NTNG2: variants seen among roughly 807,000 people sequenced by gnomAD.
NTNG2 encodes the protein netrin G2.
In NTNG2, 15 loss-of-function variants were observed where a neutral mutation model predicts 47.6. The ratio of observed to expected loss-of-function variants is 0.32; its 90% confidence interval spans 0.21 to 0.49. NTNG2 has a LOEUF of 0.49. NTNG2 is among the 20% of genes least tolerant of loss of function. NTNG2 has a pLI of 0.99. For missense variants in NTNG2, 578 were observed against 764.6 expected (o/e 0.76, Z 2.88); for synonymous variants, 307 against 324.6 (o/e 0.95, Z 0.58).
intron 7 of NTNG2, among the ~76,000 whole-genome samples, 179 bp downstream of exon 7, chr9:132,241,223 C>T (rs926017034): frequency 6.7e-6 from 1 of 148,348 alleles, no homozygotes; most frequent in African/African-American, 2.5e-5. Context: ...TGGGCGGGGC[C>T]TCGCGAGACG....
chr9:132,214,639 G>A (rs947807243), intron 3 of NTNG2, among the ~76,000 whole-genome samples: 1 of 152,216 alleles, frequency 6.6e-6, no homozygotes, highest in African/African-American at 2.4e-5. Context: ...GCAAGTGAGT[G>A]CGCCCCATGT....
intron 3 of NTNG2, among the ~76,000 whole-genome samples, chr9:132,200,649 G>GGT (rs1838677499): frequency 1.3e-5 from 2 of 152,096 alleles, no homozygotes. Flanking sequence ...TCACTTTGAC[G>GGT]GTGTGTGTGG....
chr9:132,228,379 C>T (rs570135832), intron 4 of NTNG2, among the ~76,000 whole-genome samples: 9 of 152,328 alleles, frequency 5.9e-5, no homozygotes, highest in African/African-American at 2.2e-4. Context: ...CCACTCCAGC[C>T]GCTGCCTCCT....
intron 2 of NTNG2, among the ~76,000 whole-genome samples, chr9:132,196,936 C>T (rs770204907): frequency 2.6e-5 from 4 of 152,108 alleles, no homozygotes; most frequent in Admixed American, 6.6e-5. Flanking sequence ...GAACAGCTCA[C>T]GGAACTCAGA....
Position 132,218,916 on chromosome 9 carries a change from A to G in NTNG2, c.858-7933A>G, listed in dbSNP as rs1840170880. On this transcript the variant is annotated intron_variant, in intron 3 of 7. Coordinates refer to ENST00000393229, the MANE Select transcript of NTNG2 (RefSeq NM_032536.4). The surrounding 1 kb of genome is among the most constrained non-coding windows in gnomAD (Gnocchi z 5.4). ...CTGTTTCCACACATCCCGATCATTC[A>G]TTCACTCACAGCTTTACCCAGATGT... is the stretch of plus-strand genomic sequence containing the variant. Among the ~76,000 whole-genome samples the G allele has an allele frequency of 6.6e-6, 1 of 152,270 alleles. No homozygotes were observed. Among genetic ancestry groups the G allele is most frequent in the Non-Finnish European group, 1.5e-5 (1 of 68,054 alleles).
intron 5 of NTNG2, among the ~76,000 whole-genome samples, 175 bp downstream of exon 5, chr9:132,230,770 TC>T (rs992474302): frequency 7.8e-5 from 5 of 64,444 alleles, no homozygotes; most frequent in East Asian, 9.5e-4. Flanking sequence ...CCCCTCCACC[TC>T]CCCCCCTCCA....
At chr9:132,176,106 T>C (rs764665228) in intron 2 of NTNG2, among the ~76,000 whole-genome samples, 33 of 152,000 alleles carry the variant, frequency 2.2e-4, no homozygotes, top group Non-Finnish European at 1.9e-4. Context: ...CCCAGCACTT[T>C]GGGAGGCCGA....
chr9:132,227,056 G>T (rs1370728825), intron 4 of NTNG2, 35 bp downstream of exon 4: 12 of 1,552,590 alleles, frequency 7.7e-6, no homozygotes, highest in Non-Finnish European at 9.6e-6. Context: ...GAGCCCACAT[G>T]GCTATAATCT....
At chr9:132,185,097 G>A (rs1837256005) in intron 2 of NTNG2, among the ~76,000 whole-genome samples, 1 of 151,980 alleles carries the variant, frequency 6.6e-6, no homozygotes, top group African/African-American at 2.4e-5. Context: ...GGCTAGAGGG[G>A]TCGGTGGAGG....
In NTNG2 at chr9:132,194,619, G is replaced by T. The variant is rs955353509; in HGVS notation, c.214-3347G>T. Among the ~76,000 whole-genome samples the T allele has an allele frequency of 3.9e-4, 59 of 152,226 alleles. 1 individual carries two copies. Among genetic ancestry groups the T allele is most frequent in the African/African-American group, 1.4e-3 (59 of 41,456 alleles). On this transcript the variant is annotated intron_variant, in intron 2 of 7. Coordinates refer to ENST00000393229, the MANE Select transcript of NTNG2 (RefSeq NM_032536.4). Reference sequence around the variant, plus strand: ...AGAGGTGCCATCTGCTCTCGAGAAGGCTGGGGCCAGTCCTACCCTGGCCCG... The same window carrying T: ...AGAGGTGCCATCTGCTCTCGAGAAGTCTGGGGCCAGTCCTACCCTGGCCCG...
At chr9:132,166,123 G>A (rs1248695799) in intron 1 of NTNG2, 1 of 152,400 alleles carries the variant, frequency 6.6e-6, no homozygotes, top group Non-Finnish European at 1.5e-5. Flanking sequence ...GGTCAGCTGG[G>A]CCCCATTAGT....
chr9:132,195,273 T>G (rs186314273), intron 2 of NTNG2, among the ~76,000 whole-genome samples: 1 of 152,232 alleles, frequency 6.6e-6, no homozygotes, highest in East Asian at 1.9e-4. Context: ...GGGGGATATT[T>G]GAGGTTTTGG....
chr9:132,186,313 C>G (rs1837381948), intron 2 of NTNG2, among the ~76,000 whole-genome samples: 1 of 152,238 alleles, frequency 6.6e-6, no homozygotes, highest in Non-Finnish European at 1.5e-5. Context: ...ATAGAATTTC[C>G]TGCCCCAAAC....
At chr9:132,168,120 G>A (rs1448265700) in intron 2 of NTNG2, among the ~76,000 whole-genome samples, 1 of 152,250 alleles carries the variant, frequency 6.6e-6, no homozygotes, top group Non-Finnish European at 1.5e-5. Flanking sequence ...CAGCCCAGGG[G>A]TGACGGGTAA....
intron 2 of NTNG2, among the ~76,000 whole-genome samples, chr9:132,176,940 C>T (rs565341023): frequency 3.0e-4 from 45 of 152,258 alleles, no homozygotes; most frequent in African/African-American, 8.9e-4. Context: ...TGCATTTCCC[C>T]GATAGCTAAT....
intron 2 of NTNG2, among the ~76,000 whole-genome samples, chr9:132,167,325 A>G (rs1171769337): frequency 6.6e-6 from 1 of 152,232 alleles, no homozygotes; most frequent in Non-Finnish European, 1.5e-5. Flanking sequence ...CGGGAAGCCT[A>G]TAGTATTCAG....
In NTNG2 at chr9:132,163,099, C is replaced by T. The variant is rs529038864; in HGVS notation, c.-484+860C>T. ...TGTCTTTTAATTAAGAGAGGCAGTG[C>T]CGAAAAAGGGGGCGCCTCAGTCCCG... is the stretch of plus-strand genomic sequence containing the variant. On this transcript the variant is annotated intron_variant, in intron 1 of 7. Transcript: ENST00000393229. The surrounding 1 kb of genome is among the most constrained non-coding windows in gnomAD (Gnocchi z 7.2). 2.5e-4 allele frequency among the ~76,000 whole-genome samples: 38 copies of T among 152,246 alleles called. No homozygotes were observed. Among genetic ancestry groups the T allele is most frequent in the Non-Finnish European group, 4.6e-4 (31 of 67,992 alleles).
At chr9:132,175,581 C>T (rs916594431) in intron 2 of NTNG2, among the ~76,000 whole-genome samples, 2 of 152,226 alleles carry the variant, frequency 1.3e-5, no homozygotes, top group Admixed American at 6.5e-5. Context: ...ATGCGGGAAC[C>T]GGTCTGTTCG....
chr9:132,185,293 G>T (rs568730639), intron 2 of NTNG2, among the ~76,000 whole-genome samples: 1 of 152,294 alleles, frequency 6.6e-6, no homozygotes, highest in Admixed American at 6.5e-5. Context: ...GAAAGCCCAG[G>T]GCAGCTCTCA....
Sources: allele counts gnomAD v4.1 joint callset (sites outside exome capture counted in the v4.1 genomes callset), GRCh38; gene constraint gnomAD v4.1.1; non-coding constraint Gnocchi (gnomAD v3.1); transcripts MANE v1.5; gene names NCBI Gene and HGNC (gene_info 2026-07-23, HGNC 2026-07-21).